AIG1: variants seen among roughly 807,000 people sequenced by gnomAD.
AIG1 encodes androgen-induced gene 1 protein.
AIG1 carries 23 observed loss-of-function variants against 31.4 expected under a neutral mutation model. That is an observed-to-expected ratio of 0.73 (90% CI 0.53 to 1.04). The LOEUF is 1.04. Ranked by LOEUF, AIG1 falls within the 50% of genes least tolerant of loss-of-function variation. The pLI, the probability that AIG1 is intolerant of heterozygous loss-of-function variation, is 0.00. For missense variants in AIG1, 274 were observed against 295.0 expected (o/e 0.93, Z 0.52); for synonymous variants, 100 against 110.5 (o/e 0.90, Z 0.60).
At chr6:143,161,887 G>A (rs945932541) in intron 2 of AIG1, among the ~76,000 whole-genome samples, 1 of 152,146 alleles carries the variant, frequency 6.6e-6, no homozygotes, top group South Asian at 2.1e-4. Flanking sequence ...AGATAGAGAT[G>A]AAGGCAAGGA....
intron 3 of AIG1, among the ~76,000 whole-genome samples, chr6:143,217,794 C>T (rs1272404763): frequency 6.6e-6 from 1 of 152,236 alleles, no homozygotes; most frequent in Non-Finnish European, 1.5e-5. Flanking sequence ...CAGGCGTAAG[C>T]CACCACACCC....
chr6:143,169,180 A>T, intron 3 of AIG1, among the ~76,000 whole-genome samples: 1 of 152,100 alleles, frequency 6.6e-6, no homozygotes, highest in South Asian at 2.1e-4. Context: ...GTAGCTTTTT[A>T]AAAAAATGTA....
chr6:143,163,068 G>A (rs1020981442), intron 2 of AIG1, among the ~76,000 whole-genome samples: 1 of 152,136 alleles, frequency 6.6e-6, no homozygotes, highest in African/African-American at 2.4e-5. Flanking sequence ...AGTGAGACCT[G>A]GGATCCTGCA....
chr6:143,310,273 A>G (rs1775159331), intron 4 of AIG1, among the ~76,000 whole-genome samples: 1 of 151,964 alleles, frequency 6.6e-6, no homozygotes, highest in African/African-American at 2.4e-5. Context: ...GAGTTAAAAA[A>G]ATAGAAATCA....
At chr6:143,315,639 C>T (rs143328908) in intron 4 of AIG1, among the ~76,000 whole-genome samples, 45 of 152,232 alleles carry the variant, frequency 3.0e-4, no homozygotes, top group African/African-American at 1.0e-3. Context: ...TGAATCAAGT[C>T]ATAAATCTTA....
chr6:143,162,000 G>A (rs560983181), intron 2 of AIG1, among the ~76,000 whole-genome samples: 6 of 152,254 alleles, frequency 3.9e-5, no homozygotes, highest in East Asian at 1.9e-4. Flanking sequence ...GAAAAACACT[G>A]TCTTTATTTG....
chr6:143,290,604 A>T (rs1026824260), intron 4 of AIG1, among the ~76,000 whole-genome samples: 8 of 152,172 alleles, frequency 5.3e-5, no homozygotes, highest in Non-Finnish European at 8.8e-5. Context: ...TCTTATCAGG[A>T]AGCTGTTGAT....
downstream of AIG1, chr6:143,343,066 G>T: frequency 1.3e-6 from 1 of 782,288 alleles, no homozygotes; most frequent in African/African-American, 1.7e-5. Flanking sequence ...ACCATCACTT[G>T]GTGCATCTCG....
chr6:143,332,353 C>T (rs376432522), intron 4 of AIG1, among the ~76,000 whole-genome samples: 1 of 152,172 alleles, frequency 6.6e-6, no homozygotes, highest in African/African-American at 2.4e-5. Flanking sequence ...GTTTGGAAAA[C>T]AGCTGTAAGC....
At chr6:143,105,143 T>C (rs769653161) in intron 1 of AIG1, among the ~76,000 whole-genome samples, 13 of 152,008 alleles carry the variant, frequency 8.6e-5, no homozygotes, top group Non-Finnish European at 1.6e-4. Context: ...CATAGCATAG[T>C]AGTGAGGGTG....
downstream of AIG1, among the ~76,000 whole-genome samples, chr6:143,341,979 G>A (rs1437922579): frequency 6.6e-6 from 1 of 152,204 alleles, no homozygotes; most frequent in Non-Finnish European, 1.5e-5. Context: ...AGGCTGGAGT[G>A]CAATGGCACC....
In AIG1 at chr6:143,334,488, G is replaced by C. The variant is rs1777329352; in HGVS notation, c.679+1043G>C. ...GTCAGGGTATTAGCCAATGTTAAAT[G>C]GCGCAGAGGAATTTGAGGGTTTCTT... On this transcript the variant is annotated intron_variant, in intron 5 of 5. Coordinates refer to ENST00000357847, the MANE Select transcript of AIG1 (RefSeq NM_016108.4). The surrounding 1 kb of genome is among the most constrained non-coding windows in gnomAD (Gnocchi z 5.1). Among the ~76,000 whole-genome samples the C allele has an allele frequency of 6.6e-6, 1 of 152,176 alleles. No homozygotes were observed. The highest frequency in any genetic ancestry group is 6.5e-5 in the Admixed American group (1 of 15,280).
chr6:143,259,254 A>G (rs1055807250), intron 3 of AIG1, among the ~76,000 whole-genome samples: 5 of 152,242 alleles, frequency 3.3e-5, no homozygotes, highest in Admixed American at 2.0e-4. Flanking sequence ...ATTATGTTAT[A>G]GCAACACAAA....
chr6:143,257,365 A>T (rs79731660), intron 3 of AIG1, among the ~76,000 whole-genome samples: 2 of 152,252 alleles, frequency 1.3e-5, no homozygotes, highest in African/African-American at 2.4e-5. Context: ...ACAAAAAAAA[A>T]TTGTTATTCA....
chr6:143,169,499 G>A (rs949667823), intron 3 of AIG1, among the ~76,000 whole-genome samples: 2 of 151,928 alleles, frequency 1.3e-5, no homozygotes, highest in Admixed American at 6.6e-5. Context: ...GTAAATTATT[G>A]TTAACCTATA....
intron 3 of AIG1, among the ~76,000 whole-genome samples, chr6:143,225,938 C>G (rs1263433737): frequency 6.6e-6 from 1 of 152,102 alleles, no homozygotes; most frequent in East Asian, 1.9e-4. Flanking sequence ...AACACATATA[C>G]TTTTTTTAAA....
Position 143,331,337 on chromosome 6 carries a change from G to A in AIG1, c.516-1945G>A, listed in dbSNP as rs573923779. Reference sequence around the variant, plus strand: ...ATCCCCCCACATAAACTCTGTTCCCGTTAAACAATAACTCCCTATTCTCCA... The same window carrying A: ...ATCCCCCCACATAAACTCTGTTCCCATTAAACAATAACTCCCTATTCTCCA... On this transcript the variant is annotated intron_variant, in intron 4 of 5. Coordinates refer to ENST00000357847, the MANE Select transcript of AIG1 (RefSeq NM_016108.4). The surrounding 1 kb of genome is among the most constrained non-coding windows in gnomAD (Gnocchi z 4.1). Among the ~76,000 whole-genome samples the A allele has an allele frequency of 7.9e-5, 12 of 151,810 alleles. No individual in the cohort carries two copies. Among genetic ancestry groups the A allele is most frequent in the East Asian group, 1.9e-4 (1 of 5,162 alleles).
intron 3 of AIG1, among the ~76,000 whole-genome samples, chr6:143,226,948 CAA>C (rs1385565035): frequency 6.7e-6 from 1 of 148,260 alleles, no homozygotes; most frequent in African/African-American, 2.5e-5. Flanking sequence ...CTACCCAACA[CAA>C]ATTTATAAAC....
At chr6:143,152,775 C>G (rs1164232295) in intron 2 of AIG1, among the ~76,000 whole-genome samples, 1 of 152,200 alleles carries the variant, frequency 6.6e-6, no homozygotes, top group Non-Finnish European at 1.5e-5. Context: ...ACACCCTACC[C>G]TCTCACAATG....
Sources: allele counts gnomAD v4.1 joint callset (sites outside exome capture counted in the v4.1 genomes callset), GRCh38; gene constraint gnomAD v4.1.1; non-coding constraint Gnocchi (gnomAD v3.1); transcripts MANE v1.5; gene names NCBI Gene and HGNC (gene_info 2026-07-23, HGNC 2026-07-21).